The following STYXL2 variants were observed in gnomAD, a reference collection of about 807,000 sequenced individuals.
STYXL2 encodes the protein serine/threonine/tyrosine interacting like 2.
In STYXL2, 44 loss-of-function variants were observed where a neutral mutation model predicts 52.4. The observed-to-expected ratio is 0.84, with a 90% CI of 0.66 to 1.08. STYXL2 has a LOEUF of 1.08. STYXL2 is among the 50% of genes least tolerant of loss of function. The pLI, the probability that STYXL2 is intolerant of heterozygous loss-of-function variation, is 0.00. For synonymous variants in STYXL2, 604 were observed against 586.9 expected (o/e 1.03, Z -0.42); for missense variants, 1,604 against 1,471.7 (o/e 1.09, Z -1.47).
At chr1:167,109,829 T>C (rs12048951) in intron 2 of STYXL2, among the ~76,000 whole-genome samples, 54,628 of 152,082 alleles carry the variant, frequency 0.36, 11,747 homozygotes, top group East Asian at 0.73. Flanking sequence ...AAACAACAGC[T>C]AATTCTATCA....
chr1:167,101,737 G>A (rs1422686391), intron 2 of STYXL2, among the ~76,000 whole-genome samples: 2 of 150,198 alleles, frequency 1.3e-5, no homozygotes, highest in South Asian at 2.1e-4. Flanking sequence ...AGAGGTGGAG[G>A]TTGCAGTGAA....
At chr1:167,124,968 C>T (rs1667932904) in intron 5 of STYXL2, among the ~76,000 whole-genome samples, 1 of 133,060 alleles carries the variant, frequency 7.5e-6, no homozygotes, top group South Asian at 2.4e-4. Flanking sequence ...AAAAAAAACC[C>T]TGATAAATTC....
At chr1:167,106,907 A>C (rs1667515684) in intron 2 of STYXL2, among the ~76,000 whole-genome samples, 1 of 152,258 alleles carries the variant, frequency 6.6e-6, no homozygotes, top group Non-Finnish European at 1.5e-5. Flanking sequence ...TTGGAATAGC[A>C]CTATTCCTGT....
chr1:167,097,899 A>G (rs1667322579), intron 2 of STYXL2, among the ~76,000 whole-genome samples: 1 of 151,854 alleles, frequency 6.6e-6, no homozygotes, highest in Non-Finnish European at 1.5e-5. Context: ...ATGGTAGCTC[A>G]TGCCTGTAAT....
intron 3 of STYXL2, among the ~76,000 whole-genome samples, chr1:167,115,607 C>T (rs4657631): frequency 0.69 from 104,946 of 152,054 alleles, 37,473 homozygotes; most frequent in East Asian, 0.9. Context: ...AGGAGTCCCA[C>T]TTTTTATATG....
At chr1:167,103,963 T>C (rs1014304370) in intron 2 of STYXL2, among the ~76,000 whole-genome samples, 2 of 151,908 alleles carry the variant, frequency 1.3e-5, no homozygotes, top group Non-Finnish European at 2.9e-5. Flanking sequence ...CTACTAAAAA[T>C]AGAAAAATTA....
chr1:167,111,513 T>TATATATATATACAC (rs1211215448), intron 2 of STYXL2, among the ~76,000 whole-genome samples: 13 of 50,106 alleles, frequency 2.6e-4, no homozygotes, highest in African/African-American at 7.3e-4. Context: ...TATATATATA[T>TATATATATATACAC]ACACACACAC....
At chr1:167,106,645 T>C (rs1287744183) in intron 2 of STYXL2, among the ~76,000 whole-genome samples, 1 of 152,236 alleles carries the variant, frequency 6.6e-6, no homozygotes, top group African/African-American at 2.4e-5. Context: ...CTCACATTTA[T>C]ATAAAATCTG....
At chr1:167,122,510 G>C in intron 5 of STYXL2, among the ~76,000 whole-genome samples, 1 of 152,068 alleles carries the variant, frequency 6.6e-6, no homozygotes, top group East Asian at 1.9e-4. Flanking sequence ...AGGTGTGGAG[G>C]GGGATACCTT....
intron 5 of STYXL2, among the ~76,000 whole-genome samples, chr1:167,120,900 A>T (rs1667842947): frequency 2.0e-5 from 2 of 101,892 alleles, no homozygotes; most frequent in African/African-American, 3.3e-5. Flanking sequence ...AGAGAGAGAG[A>T]GGTATGTATG....
At position 167,128,147 on chromosome 1, in the gene STYXL2, C is replaced by A; in HGVS notation, c.3016C>A (p.Arg1006=). ...ANGNSVRSTS[R]FSSSSTREGR... is the part of the protein sequence containing the mutation. ...TGGCAACTCTGTAAGAAGCACTTCA[C>A]GGTTCTCATCTTCCTCCACCAGGGA... The change falls in exon 6 of 6, where the codon CGG becomes AGG. Residue 1006 remains arginine, a synonymous_variant. Coordinates refer to ENST00000361200, the MANE Select transcript of STYXL2 (RefSeq NM_001080426.3). 4 of 1,614,208 alleles carry A rather than the reference C, an allele frequency of 2.5e-6. No individual in the cohort carries two copies. The highest frequency in any genetic ancestry group is 3.4e-6 in the Non-Finnish European group (4 of 1,180,036).
rs373804090 is a variant in STYXL2 at position 167,127,962 on chromosome 1, C to T, written c.2831C>T (p.Thr944Met). The change falls in exon 6 of 6, where the codon ACG (threonine) becomes ATG (methionine). Residue 944 changes from threonine (T) to methionine (M), a missense_variant. Physicochemically the swap from Thr to Met is moderately conservative, Grantham distance 81. Coordinates refer to ENST00000361200, the MANE Select transcript of STYXL2 (RefSeq NM_001080426.3). Reference protein sequence around the residue: ...SINKWLSGLRTEEKPPFQSDW... With the variant: ...SINKWLSGLRMEEKPPFQSDW... ...AATAAGTGGCTCAGTGGCCTCAGGA[C>T]GGAGGAAAAACCTCCTTTCCAAAGT... The T allele has an allele frequency of 4.8e-5, 78 of 1,614,102 alleles. No individual in the cohort carries two copies. Among genetic ancestry groups the T allele is most frequent in the South Asian group, 1.5e-4 (14 of 91,076 alleles).
rs1440421334 is a variant in STYXL2, at chr1:167,127,714, A to G, written c.2583A>G (p.Ser861=). Residue 861 remains serine (S), a synonymous_variant, in exon 6 of 6, where the codon TCA becomes TCG. Transcript: ENST00000361200. The part of the protein sequence containing the change: ...MSEYKMEKLA[S]DNKRSSLFKK... ...AGTACAAAATGGAAAAGCTGGCCTC[A>G]GACAACAAACGCAGCTCCCTCTTCA... 6.2e-7 allele frequency: 1 copy of G among 1,613,994 alleles called. No homozygotes were observed. Among genetic ancestry groups the G allele is most frequent in the East Asian group, 2.2e-5 (1 of 44,884 alleles).
At chr1:167,097,346 G>T (rs887467726) in intron 2 of STYXL2, among the ~76,000 whole-genome samples, 1 of 152,152 alleles carries the variant, frequency 6.6e-6, no homozygotes, top group Admixed American at 6.5e-5. Flanking sequence ...AACTCAATAG[G>T]TTTATGATCT....
chr1:167,105,326 A>G (rs1667488318), intron 2 of STYXL2, among the ~76,000 whole-genome samples: 1 of 151,360 alleles, frequency 6.6e-6, no homozygotes, highest in South Asian at 2.1e-4. Flanking sequence ...AGTCCATCAA[A>G]CTCCCCTTTA....
chr1:167,123,540 G>T (rs12031945), intron 5 of STYXL2, among the ~76,000 whole-genome samples: 1 of 152,090 alleles, frequency 6.6e-6, no homozygotes, highest in Admixed American at 6.5e-5. Flanking sequence ...GTCCTTGTAA[G>T]GGACAGCTAA....
At chr1:167,124,749 C>A (rs1017369841) in intron 5 of STYXL2, among the ~76,000 whole-genome samples, 1 of 152,160 alleles carries the variant, frequency 6.6e-6, no homozygotes. Context: ...TTTTAAAAAA[C>A]GTTTTACAGG....
chr1:167,119,504 A>AC, intron 5 of STYXL2, 38 bp downstream of exon 5: 1 of 1,579,790 alleles, frequency 6.3e-7, no homozygotes, highest in Non-Finnish European at 8.7e-7. Context: ...CTGGAATTCC[A>AC]CGGGGGAAAA....
intron 2 of STYXL2, among the ~76,000 whole-genome samples, chr1:167,103,424 C>T (rs1667441966): frequency 6.6e-6 from 1 of 152,120 alleles, no homozygotes; most frequent in Non-Finnish European, 1.5e-5. Context: ...ATCCAAACAG[C>T]CACTAGCAGC....
Sources: gnomAD v4.1 joint callset for allele counts (sites outside exome capture counted in the v4.1 genomes callset) on GRCh38, gnomAD v4.1.1 for gene constraint, MANE v1.5 for transcripts, NCBI Gene and HGNC (gene_info 2026-07-23, HGNC 2026-07-21) for gene names.